The following JAK2 variants were observed in gnomAD, a reference collection of about 807,000 sequenced individuals.
The protein encoded by JAK2 is Janus kinase 2.
A neutral mutation model predicts 139.3 loss-of-function variants in JAK2; 86 were observed. The ratio of observed to expected loss-of-function variants is 0.62; its 90% CI spans 0.52 to 0.74. The LOEUF (loss-of-function observed/expected upper bound fraction) is 0.74. Ranked by LOEUF, JAK2 falls within the 30% of genes least tolerant of loss-of-function variation. The pLI, the probability that JAK2 is intolerant of heterozygous loss-of-function variation, is 0.00. For synonymous variants in JAK2, 490 were observed against 437.7 expected (o/e 1.12, Z -1.49); for missense variants, 1,421 against 1,360.3 (o/e 1.04, Z -0.70).
chr9:5,004,918 C>CT (rs557320182), intron 2 of JAK2, among the ~76,000 whole-genome samples: 1,931 of 131,324 alleles, frequency 0.015, 52 homozygotes, highest in African/African-American at 0.047. Context: ...TACATATTGT[C>CT]TTTTTTTTTT....
chr9:5,115,770 A>T (rs541750360), intron 22 of JAK2, among the ~76,000 whole-genome samples: 1 of 152,236 alleles, frequency 6.6e-6, no homozygotes, highest in African/African-American at 2.4e-5. Context: ...AGGGACAAAG[A>T]TGAAGCTAGA....
chr9:5,114,436 G>T, intron 22 of JAK2: 1 of 487,590 alleles, frequency 2.1e-6, no homozygotes, highest in South Asian at 1.8e-5. Flanking sequence ...TACCAGTGCA[G>T]GGTGACCCAC....
chr9:5,048,511 A>C (rs1194650521), intron 5 of JAK2, among the ~76,000 whole-genome samples: 1 of 152,144 alleles, frequency 6.6e-6, no homozygotes, highest in Non-Finnish European at 1.5e-5. Context: ...ATCATCTTCT[A>C]CTTAAACAGT....
At chr9:4,984,996 C>G, upstream of JAK2, 3 of 152,434 alleles carry the variant, frequency 2.0e-5, no homozygotes, top group South Asian at 6.2e-4. Flanking sequence ...CCGCGCCTGC[C>G]GGTCCCGCGA....
intron 8 of JAK2, among the ~76,000 whole-genome samples, chr9:5,056,065 C>T (rs192763210): frequency 6.6e-6 from 1 of 152,104 alleles, no homozygotes; most frequent in Admixed American, 6.5e-5. Flanking sequence ...CATCCCTACT[C>T]TAGATTATAC....
intron 2 of JAK2, among the ~76,000 whole-genome samples, chr9:5,016,264 G>T (rs113688977): frequency 6.6e-6 from 1 of 152,104 alleles, no homozygotes; most frequent in Non-Finnish European, 1.5e-5. Flanking sequence ...GATCTGCATC[G>T]TATCAGATAC....
In JAK2 at chr9:5,054,621, A is replaced by T; in HGVS notation, c.673A>T (p.Thr225Ser). 3 of 1,612,640 alleles carry T rather than the reference A, an allele frequency of 1.9e-6. No homozygotes were observed. Among genetic ancestry groups the T allele is most frequent in the Non-Finnish European group, 2.5e-6 (3 of 1,179,100 alleles). The change falls in exon 7 of 25, where the codon ACA (threonine) becomes TCA (serine). Residue 225 changes from threonine (T) to serine (S), a missense_variant. Thr to Ser is a moderately conservative substitution (Grantham distance 58, BLOSUM62 1). Transcript: ENST00000381652. The surrounding 1 kb of genome is among the most constrained non-coding windows in gnomAD (Gnocchi z 4.9). ...RAKIQDYHILTRKRIRYRFRR... is the reference protein window; with the variant it reads ...RAKIQDYHILSRKRIRYRFRR... ...AAAGATCCAAGACTATCATATTTTG[A>T]CAAGGAAGCGAATAAGGTACAGATT...
intron 4 of JAK2, among the ~76,000 whole-genome samples, chr9:5,038,259 A>G (rs1432765820): frequency 1.3e-5 from 2 of 152,224 alleles, no homozygotes; most frequent in Non-Finnish European, 2.9e-5. Flanking sequence ...AAGAACAGAA[A>G]GTTTGAATAG....
rs550229414 is a variant in JAK2, at chr9:5,090,811, G to A, written c.2959G>A (p.Glu987Lys). ...AACGAGAAATATATTGGTGGAGAACGAGAACAGAGTTAAAATTGGAGATTT... is the reference window on the plus strand; with the variant it reads ...AACGAGAAATATATTGGTGGAGAACAAGAACAGAGTTAAAATTGGAGATTT... ...LATRNILVENENRVKIGDFGL... is the reference protein window; with the variant it reads ...LATRNILVENKNRVKIGDFGL... Residue 987 changes from glutamate (E) to lysine (K), a missense_variant, in exon 22 of 25, where the codon GAG (glutamate) becomes AAG (lysine). By Grantham distance (56) the Glu-to-Lys change is moderately conservative. Coordinates refer to ENST00000381652, the MANE Select transcript of JAK2 (RefSeq NM_004972.4). 6.2e-6 allele frequency: 10 copies of A among 1,613,386 alleles called. No homozygotes were observed. Among genetic ancestry groups the A allele is most frequent in the East Asian group, 4.5e-5 (2 of 44,814 alleles).
chr9:5,032,995 TG>T (rs1225248501), intron 4 of JAK2, among the ~76,000 whole-genome samples: 1 of 151,936 alleles, frequency 6.6e-6, no homozygotes, highest in Non-Finnish European at 1.5e-5. Flanking sequence ...TTAAAAACCT[TG>T]AAAAAAAATT....
intron 2 of JAK2, among the ~76,000 whole-genome samples, chr9:4,987,184 C>G (rs184488826): frequency 2.0e-5 from 3 of 152,262 alleles, no homozygotes; most frequent in Admixed American, 2.0e-4. Context: ...AAGAGCACAC[C>G]ATGCTTGTTT....
chr9:5,067,761 G>T (rs1377234999), intron 10 of JAK2, among the ~76,000 whole-genome samples: 2 of 151,976 alleles, frequency 1.3e-5, no homozygotes, highest in Non-Finnish European at 2.9e-5. Flanking sequence ...TTATCTACTG[G>T]ACAAACAAAA....
chr9:5,118,438 C>T (rs938858968), intron 22 of JAK2, among the ~76,000 whole-genome samples: 1 of 152,152 alleles, frequency 6.6e-6, no homozygotes, highest in Non-Finnish European at 1.5e-5. Context: ...AAACTTGTAA[C>T]TATTCACATT....
chr9:5,075,885 A>G (rs753825775), intron 14 of JAK2, among the ~76,000 whole-genome samples: 3 of 152,244 alleles, frequency 2.0e-5, no homozygotes, highest in Non-Finnish European at 4.4e-5. Flanking sequence ...TCACCATTCT[A>G]GATGCCAGGA....
intron 3 of JAK2, among the ~76,000 whole-genome samples, chr9:5,024,305 T>C (rs1822637189): frequency 6.6e-6 from 1 of 152,184 alleles, no homozygotes; most frequent in African/African-American, 2.4e-5. Flanking sequence ...GCATGTAAGA[T>C]TTTGCTTTAG....
intron 5 of JAK2, among the ~76,000 whole-genome samples, chr9:5,045,789 A>G (rs916835226): frequency 3.3e-5 from 5 of 152,206 alleles, no homozygotes; most frequent in African/African-American, 1.2e-4. Flanking sequence ...TTGCATATGT[A>G]TACTGCATTT....
chr9:5,114,493 C>T (rs556895461), intron 22 of JAK2: 3 of 466,680 alleles, frequency 6.4e-6, no homozygotes, highest in East Asian at 5.4e-5. Context: ...TGTGCTCCCC[C>T]ACAGGTCTAC....
intron 22 of JAK2, among the ~76,000 whole-genome samples, chr9:5,116,637 T>G (rs1374865405): frequency 1.3e-5 from 2 of 152,196 alleles, no homozygotes; most frequent in African/African-American, 4.8e-5. Context: ...GAATACAAGC[T>G]AATAAATATT....
chr9:5,112,568 G>A (rs901583247), intron 22 of JAK2: 39 of 650,938 alleles, frequency 6.0e-5, no homozygotes, highest in Admixed American at 4.4e-4. Flanking sequence ...GCCAGGGAGC[G>A]GCTGCGGGTC....
Sources: gnomAD v4.1 joint callset for allele counts (sites outside exome capture counted in the v4.1 genomes callset) on GRCh38, gnomAD v4.1.1 for gene constraint, Gnocchi (gnomAD v3.1) non-coding constraint, MANE v1.5 for transcripts, NCBI Gene and HGNC (gene_info 2026-07-23, HGNC 2026-07-21) for gene names.